The following INTS11 variants were observed in gnomAD, a reference collection of about 807,000 sequenced individuals.
INTS11 encodes the protein integrator complex subunit 11.
In INTS11, 77 loss-of-function variants were observed where a neutral mutation model predicts 78.6. The observed-to-expected ratio is 0.98, with a 90% CI of 0.81 to 1.18. INTS11 has a LOEUF of 1.18. Among genes scored for constraint, INTS11 ranks in the 50% most tolerant of loss-of-function variants. The probability of loss-of-function intolerance (pLI) is 0.00; values close to 1 mark genes in which losing one functional copy is unlikely to be tolerated. For synonymous variants in INTS11, 441 were observed against 326.9 expected (o/e 1.35, Z -3.77); for missense variants, 875 against 825.9 (o/e 1.06, Z -0.73).
In INTS11 at chr1:1,313,087, C is replaced by T; in HGVS notation, c.1079G>A (p.Gly360Asp). The T allele has an allele frequency of 6.2e-7, 1 of 1,609,304 alleles. No homozygotes were observed. Among genetic ancestry groups the T allele is most frequent in the Non-Finnish European group, 8.5e-7 (1 of 1,179,810 alleles). ...MPGYCVQGTV[G>D]HKILSGQRKL... Reference sequence around the variant, plus strand: ...CCGCTGCCCGCTGAGGATCTTGTGGCCGACGGTGCCCTGCACGCAGTAGCC... The same window carrying T: ...CCGCTGCCCGCTGAGGATCTTGTGGTCGACGGTGCCCTGCACGCAGTAGCC... The change falls in exon 11 of 17, where the codon GGC becomes GAC. Residue 360 changes from glycine to aspartate, a missense_variant. By Grantham distance (94) the Gly-to-Asp change is moderately conservative (BLOSUM62 -1). Transcript: ENST00000435064.
Position 1,313,853 on chromosome 1 carries a change from T to G in INTS11, c.836A>C (p.Tyr279Ser), listed in dbSNP as rs779703791. Residue 279 changes from tyrosine to serine, a missense_variant, in exon 9 of 17, where the codon TAC becomes TCC. By Grantham distance (144) the Tyr-to-Ser change is moderately radical. Transcript: ENST00000435064. The stretch of plus-strand genomic sequence containing the variant: ...GTTGGTCCAGGGGATGAACAGCTTG[T>G]AGTAGTGGTTGGCCTTCTCGGTCAG... Reference protein sequence around the residue: ...TGLTEKANHYYKLFIPWTNQK... With the variant: ...TGLTEKANHYSKLFIPWTNQK... The G allele has an allele frequency of 1.2e-6, 2 of 1,613,370 alleles. No homozygotes were observed. Among genetic ancestry groups the G allele is most frequent in the Non-Finnish European group, 1.7e-6 (2 of 1,179,954 alleles).
Position 1,312,687 on chromosome 1 carries a change from G to A in INTS11, c.1308C>T (p.Tyr436=). Residue 436 remains tyrosine, a synonymous_variant, in exon 13 of 17, where the codon TAC becomes TAT. Coordinates refer to ENST00000435064, the MANE Select transcript of INTS11 (RefSeq NM_017871.6). ...KIEQELRVNC[Y]MPANGETVTL... is the part of the protein sequence containing the mutation. ...TCACCGTCTCGCCATTGGCCGGCAT[G>A]TAGCAGTTGACCCCTGGACCCCGGG... The A allele has an allele frequency of 1.3e-6, 2 of 1,594,762 alleles. No homozygotes were observed. The highest frequency in any genetic ancestry group is 1.7e-6 in the Non-Finnish European group (2 of 1,167,458).
Position 1,313,843 on chromosome 1 carries a change from G to T in INTS11, c.846C>A (p.Phe282Leu), listed in dbSNP as rs375687548. Residue 282 changes from phenylalanine to leucine, a missense_variant, in exon 9 of 17, where the codon TTC becomes TTA. Physicochemically the swap from Phe to Leu is conservative, Grantham distance 22. Transcript: ENST00000435064. ...GGATCTTCTGGTTGGTCCAGGGGAT[G>T]AACAGCTTGTAGTAGTGGTTGGCCT... ...TEKANHYYKL[F>L]IPWTNQKIRK... 6.2e-7 allele frequency: 1 copy of T among 1,613,376 alleles called. No individual in the cohort carries two copies. Among genetic ancestry groups the T allele is most frequent in the African/African-American group, 1.3e-5 (1 of 74,956 alleles).
rs1351854359 is a variant in INTS11 at position 1,314,228 on chromosome 1, G to A, written c.767+73C>T. 2.2e-6 allele frequency: 3 copies of A among 1,381,882 alleles called. No homozygotes were observed. Among genetic ancestry groups the A allele is most frequent in the Middle Eastern group, 1.8e-4 (1 of 5,678 alleles). 85.6% of individuals were successfully genotyped at this position (1,381,882 alleles called of 1,614,324 possible). A position where few individuals can be genotyped will look rare whatever the true frequency, so the allele number is the denominator to read the frequency against. On this transcript the variant is annotated intron_variant, in intron 8 of 16. Transcript: ENST00000435064. This position sits in a 1 kb window ranked among gnomAD's most constrained non-coding sequence, Gnocchi z 4.2. ...CAAGATGCCACCGCTACGCTGGACA[G>A]GGCTGCCCACCAACTGGACTGTGTT... is the stretch of plus-strand genomic sequence containing the variant.
chr1:1,315,191 A>G, intron 6 of INTS11: 1 of 721,792 alleles, frequency 1.4e-6, no homozygotes, highest in Non-Finnish European at 2.3e-6. Flanking sequence ...ACCCACCCAG[A>G]GACTTGGGAA....
chr1:1,320,326 G>C lies in INTS11; in HGVS notation c.200+130C>G, dbSNP rs531755934. 5.3e-5 allele frequency: 43 copies of C among 813,936 alleles called. No individual in the cohort carries two copies. The Admixed American group carries it at 8.3e-4, about 16-fold the overall frequency. The allele number at this position is 813,936 out of a possible 1,614,324, so 50.4% of individuals were successfully genotyped here. A position where few individuals can be genotyped will look rare whatever the true frequency, so the allele number is the denominator to read the frequency against. On this transcript the variant is annotated intron_variant, in intron 3 of 16. Coordinates refer to ENST00000435064, the MANE Select transcript of INTS11 (RefSeq NM_017871.6). ...GTAAGGCAGGCAGGGAGCAGATCCT[G>C]GGGCCTAGAAGCCCCCTGAGGATCA...
intron 1 of INTS11, among the ~76,000 whole-genome samples, chr1:1,324,270 C>A (rs1170977213): frequency 6.6e-6 from 1 of 151,698 alleles, no homozygotes; most frequent in African/African-American, 2.4e-5. Context: ...GAGGCGGCAG[C>A]GCGCGGCACG....
In INTS11 at chr1:1,312,944, C is replaced by T. The variant is rs556035678; in HGVS notation, c.1137G>A (p.Glu379=). The change falls in exon 12 of 17, where the codon GAG becomes GAA. Residue 379 remains glutamate (E), a synonymous_variant. Transcript: ENST00000435064. ...KLEMEGRQVL[E]VKMQVEYMSF... Reference sequence around the variant, plus strand: ...ACATGTACTCCACCTGCATCTTGACCTCCAGCTACAGAGGCCACGGGGCGT... The same window carrying T: ...ACATGTACTCCACCTGCATCTTGACTTCCAGCTACAGAGGCCACGGGGCGT... 9 of 1,611,812 alleles carry T rather than the reference C, an allele frequency of 5.6e-6. No homozygotes were observed. In the East Asian group the frequency reaches 1.6e-4, roughly 28 times the overall value.
chr1:1,316,136 G>A (rs753905950), intron 4 of INTS11: 13 of 195,882 alleles, frequency 6.6e-5, no homozygotes, highest in Admixed American at 4.9e-4. Context: ...ACAAAAGTAA[G>A]CCAGGTGTGG....
rs201650418 is a variant in INTS11 at position 1,312,063 on chromosome 1, A to T, written c.1692T>A (p.Ser564=). The change falls in exon 16 of 17, where the codon TCT becomes TCA. Residue 564 remains serine, a synonymous_variant. Transcript: ENST00000435064. ...ESVLLQAAAP[S]EDPGTKVLLV... is the part of the protein sequence containing the mutation. ...GCAGCACCTTGGTGCCTGGGTCCTC[A>T]GAAGGGGCGGCGGCCTGGAGGAGGA... 3.8e-5 allele frequency: 60 copies of T among 1,572,968 alleles called. No homozygotes were observed. The East Asian group carries it at 1.3e-3, about 35-fold the overall frequency.
rs1217764971 is a variant in INTS11 at position 1,313,017 on chromosome 1, T to C, written c.1131+18A>G. 9 of 1,611,548 alleles carry C rather than the reference T, an allele frequency of 5.6e-6. No individual in the cohort carries two copies. The highest frequency in any genetic ancestry group is 3.3e-5 in the South Asian group (3 of 91,052). ...GTGCCCCTCGGCCCTGCCAGCCCAG[T>C]GCGGGGTCGAGACTCACCACCTGCC... is the stretch of plus-strand genomic sequence containing the variant. On this transcript the variant is annotated intron_variant, in intron 11 of 16. Transcript: ENST00000435064.
At chr1:1,312,742 G>A (rs542145912) in intron 12 of INTS11, 42 bp from the exon 13 acceptor site, 58 of 1,593,650 alleles carry the variant, frequency 3.6e-5, no homozygotes, top group East Asian at 3.4e-4. Context: ...CAGGCTGCCC[G>A]TGCTGACCCG....
Position 1,312,245 on chromosome 1 carries a change from C to A in INTS11, c.1588G>T (p.Val530Phe). 6.5e-7 allele frequency: 1 copy of A among 1,528,234 alleles called. No homozygotes were observed. Among genetic ancestry groups the A allele is most frequent in the South Asian group, 1.2e-5 (1 of 83,846 alleles). 94.7% of individuals were successfully genotyped at this position (1,528,234 alleles called of 1,614,324 possible). A position where few individuals can be genotyped will look rare whatever the true frequency, so the allele number is the denominator to read the frequency against. The change falls in exon 15 of 17, where the codon GTC becomes TTC. Residue 530 changes from valine to phenylalanine, a missense_variant. By Grantham distance (50) the Val-to-Phe change is conservative (BLOSUM62 -1). Coordinates refer to ENST00000435064, the MANE Select transcript of INTS11 (RefSeq NM_017871.6). ...GCCCACCTCTTGAGGTGGCTGTAGACGCGCAATGCCGTCTCCTGCTCCTTG... is the reference window on the plus strand; with the variant it reads ...GCCCACCTCTTGAGGTGGCTGTAGAAGCGCAATGCCGTCTCCTGCTCCTTG... Reference protein sequence around the residue: ...TRKEQETALRVYSHLKSVLKD... With the variant: ...TRKEQETALRFYSHLKSVLKD...
At position 1,324,648 on chromosome 1, in the gene INTS11, G is replaced by C. The variant is rs1411032130; in HGVS notation, c.-40C>G. The C allele has an allele frequency of 1.9e-6, 3 of 1,594,862 alleles. No individual in the cohort carries two copies. Among genetic ancestry groups the C allele is most frequent in the African/African-American group, 2.8e-5 (2 of 72,140 alleles). Reference sequence around the variant, plus strand: ...TCCCGGACCCGCGAGGCCCGCCTGCGGTGATGCACTGCGCAGGCGCAACCA... The same window carrying C: ...TCCCGGACCCGCGAGGCCCGCCTGCCGTGATGCACTGCGCAGGCGCAACCA... On this transcript the variant is annotated 5_prime_UTR_variant, in exon 1 of 17. Transcript: ENST00000435064.
rs759886286 is a variant in INTS11 at position 1,312,847 on chromosome 1, G to C, written c.1234C>G (p.Leu412Val). ...ATCTTCTTGGCCTCGCCATGCACCA[G>C]CAGCACGCTCTCCGGCTCTGCCTGG... ...VGQAEPESVLLVHGEAKKMEF... is the reference protein window; with the variant it reads ...VGQAEPESVLVVHGEAKKMEF... The change falls in exon 12 of 17, where the codon CTG becomes GTG. Residue 412 changes from leucine (L) to valine (V), a missense_variant. Coordinates refer to ENST00000435064, the MANE Select transcript of INTS11 (RefSeq NM_017871.6). 6.2e-7 allele frequency: 1 copy of C among 1,612,060 alleles called. No individual in the cohort carries two copies. The highest frequency in any genetic ancestry group is 2.2e-5 in the East Asian group (1 of 44,878).
chr1:1,315,448 G>T lies in INTS11; in HGVS notation c.529-10C>A, dbSNP rs758277385. On this transcript the variant is annotated splice_polypyrimidine_tract_variant and intron_variant, in intron 5 of 16. Transcript: ENST00000435064. ...TCATGTTATAATCACCCTGGTGAAC[G>T]ATCAAGGATGCCATGAGGAGGGTGC... The T allele has an allele frequency of 6.2e-7, 1 of 1,613,140 alleles. No individual in the cohort carries two copies. The highest frequency in any genetic ancestry group is 1.3e-5 in the African/African-American group (1 of 74,852).
At chr1:1,322,747 G>A (rs1447613192) in intron 1 of INTS11, 10 of 321,836 alleles carry the variant, frequency 3.1e-5, no homozygotes, top group East Asian at 1.8e-4. Flanking sequence ...TAGGGGGACC[G>A]GCGGCGGGGG....
chr1:1,315,383 A>C, intron 6 of INTS11, 21 bp downstream of exon 6: 1 of 1,613,196 alleles, frequency 6.2e-7, no homozygotes, highest in East Asian at 2.2e-5. Context: ...ACGGGACAAA[A>C]AGACACCTCA....
In INTS11 at chr1:1,312,213, G is replaced by GCCGGGGGCCCCCCCCCCCCCCCC; in HGVS notation, c.1607+12_1607+13insGGGGGGGGGGGGGGGGCCCCCGG. On this transcript the variant is annotated intron_variant, in intron 15 of 16. Transcript: ENST00000435064. ...CCCAAGGGAGTGGGGGGGGGGCGGG[G>GCCGGGGGCCCCCCCCCCCCCCCC]CCGGGCGCCCACCTCTTGAGGTGGC... 3 of 934,566 alleles carry GCCGGGGGCCCCCCCCCCCCCCCC rather than the reference G, an allele frequency of 3.2e-6. No individual in the cohort carries two copies. The highest frequency in any genetic ancestry group is 1.5e-5 in the South Asian group (1 of 67,394). 57.9% of individuals were successfully genotyped at this position (934,566 alleles called of 1,614,324 possible). A position where few individuals can be genotyped will look rare whatever the true frequency, so the allele number is the denominator to read the frequency against.
Sources: gnomAD v4.1 joint callset for allele counts (sites outside exome capture counted in the v4.1 genomes callset) on GRCh38, gnomAD v4.1.1 for gene constraint, Gnocchi (gnomAD v3.1) non-coding constraint, MANE v1.5 for transcripts, NCBI Gene and HGNC (gene_info 2026-07-23, HGNC 2026-07-21) for gene names.